PCDH9: variants seen among roughly 807,000 people sequenced by gnomAD.
PCDH9 encodes protocadherin-9.
A neutral mutation model predicts 70.6 loss-of-function variants in PCDH9; 24 were observed. The observed-to-expected ratio is 0.34, with a 90% CI of 0.25 to 0.48. The LOEUF (loss-of-function observed/expected upper bound fraction) is 0.48. Among genes scored for constraint, PCDH9 ranks in the 20% least tolerant of loss-of-function variants. The probability of loss-of-function intolerance (pLI) is 0.99; values close to 1 mark genes in which losing one functional copy is unlikely to be tolerated. For missense variants in PCDH9, 1,281 were observed against 1,503.6 expected (o/e 0.85, Z 2.45); for synonymous variants, 562 against 558.5 (o/e 1.01, Z -0.09).
chr13:66,990,265 A>C (rs2139795575), intron 2 of PCDH9, among the ~76,000 whole-genome samples: 1 of 151,942 alleles, frequency 6.6e-6, no homozygotes, highest in East Asian at 1.9e-4. Flanking sequence ...ATTTTAAACA[A>C]TTATAAGCAA....
At chr13:66,687,124 G>C (rs776919009) in intron 3 of PCDH9, among the ~76,000 whole-genome samples, 2 of 152,124 alleles carry the variant, frequency 1.3e-5, no homozygotes, top group Non-Finnish European at 2.9e-5. Context: ...AGTTATTCCT[G>C]TGTGATAATC....
intron 2 of PCDH9, among the ~76,000 whole-genome samples, chr13:66,989,346 C>T (rs1274180671): frequency 6.6e-6 from 1 of 151,904 alleles, no homozygotes; most frequent in Non-Finnish European, 1.5e-5. Flanking sequence ...GTTAGAAAGT[C>T]ACATCACTAT....
chr13:66,538,986 A>T (rs914505248), intron 4 of PCDH9, among the ~76,000 whole-genome samples: 19 of 151,768 alleles, frequency 1.3e-4, no homozygotes, highest in Admixed American at 1.2e-3. Flanking sequence ...ATATATACAC[A>T]TGTCTACATT....
chr13:66,566,629 T>TAACA (rs2076655925), intron 4 of PCDH9, among the ~76,000 whole-genome samples: 3 of 152,192 alleles, frequency 2.0e-5, no homozygotes. Context: ...TTGCTTTTAC[T>TAACA]AACAGTAACT....
intron 3 of PCDH9, among the ~76,000 whole-genome samples, chr13:66,660,316 G>A (rs1265007190): frequency 1.3e-5 from 2 of 151,470 alleles, no homozygotes; most frequent in Admixed American, 6.6e-5. Flanking sequence ...TTTTTTTACT[G>A]TGAGTTTCCT....
At chr13:66,770,874 A>G (rs552658617) in intron 3 of PCDH9, among the ~76,000 whole-genome samples, 1 of 152,316 alleles carries the variant, frequency 6.6e-6, no homozygotes, top group Admixed American at 6.5e-5. Context: ...ATGGTCACTG[A>G]TAACTCCTAA....
intron 2 of PCDH9, among the ~76,000 whole-genome samples, chr13:67,115,324 G>T (rs575095366): frequency 2.0e-5 from 3 of 152,134 alleles, no homozygotes; most frequent in Non-Finnish European, 4.4e-5. Flanking sequence ...AGCAGGCCTC[G>T]CACCTTGAGC....
intron 2 of PCDH9, among the ~76,000 whole-genome samples, chr13:66,910,874 A>G (rs745459390): frequency 1.3e-5 from 2 of 152,182 alleles, no homozygotes; most frequent in Non-Finnish European, 2.9e-5. Context: ...AACTCTGTGC[A>G]TTGTCCATTT....
intron 3 of PCDH9, among the ~76,000 whole-genome samples, chr13:66,735,305 T>C (rs2079131626): frequency 6.6e-6 from 1 of 152,188 alleles, no homozygotes; most frequent in Non-Finnish European, 1.5e-5. Flanking sequence ...CTAAAGCATA[T>C]GCTGTTAAAA....
At chr13:66,926,626 A>G (rs935052403) in intron 2 of PCDH9, among the ~76,000 whole-genome samples, 1 of 152,092 alleles carries the variant, frequency 6.6e-6, no homozygotes, top group African/African-American at 2.4e-5. Context: ...AAATTTAATT[A>G]TTGAAGTATT....
intron 4 of PCDH9, among the ~76,000 whole-genome samples, chr13:66,318,283 T>C: frequency 6.6e-6 from 1 of 152,206 alleles, no homozygotes; most frequent in East Asian, 1.9e-4. Flanking sequence ...CAATCTTTTC[T>C]GCTCTGTTAT....
intron 4 of PCDH9, among the ~76,000 whole-genome samples, chr13:66,412,432 T>C (rs1393687044): frequency 6.6e-6 from 1 of 152,206 alleles, no homozygotes; most frequent in Non-Finnish European, 1.5e-5. Flanking sequence ...TTAGCAGAAA[T>C]GTAAGCCGGG....
intron 1 of PCDH9, among the ~76,000 whole-genome samples, chr13:67,229,042 G>C (rs887939694): frequency 1.3e-5 from 2 of 152,116 alleles, no homozygotes; most frequent in Non-Finnish European, 2.9e-5. Flanking sequence ...TTCTAAAAAG[G>C]CTATCTTTTT....
chr13:67,215,709 G>T (rs2089585793), intron 2 of PCDH9: 1 of 152,034 alleles, frequency 6.6e-6, no homozygotes, highest in Admixed American at 6.6e-5. Flanking sequence ...CATAAATGAT[G>T]TCTTTCTTGA....
chr13:66,368,547 T>C (rs531005509), intron 4 of PCDH9, among the ~76,000 whole-genome samples: 12 of 151,980 alleles, frequency 7.9e-5, no homozygotes, highest in Admixed American at 3.3e-4. Flanking sequence ...TTCAATACAT[T>C]CTATTTTATA....
At chr13:66,580,051 G>GAT (rs1432146997) in intron 4 of PCDH9, among the ~76,000 whole-genome samples, 3 of 151,756 alleles carry the variant, frequency 2.0e-5, no homozygotes, top group African/African-American at 7.3e-5. Flanking sequence ...GGAGCAATAG[G>GAT]ATATATACAT....
At chr13:66,890,892 C>A (rs1440956623) in intron 3 of PCDH9, among the ~76,000 whole-genome samples, 1 of 152,048 alleles carries the variant, frequency 6.6e-6, no homozygotes, top group Non-Finnish European at 1.5e-5. Context: ...ACCACCACTA[C>A]AATCAAGTTA....
intron 4 of PCDH9, among the ~76,000 whole-genome samples, chr13:66,482,532 T>C (rs1312770372): frequency 2.0e-5 from 3 of 152,196 alleles, no homozygotes; most frequent in African/African-American, 7.2e-5. Context: ...ATTGTCATGA[T>C]GGGTTTAAAC....
intron 3 of PCDH9, among the ~76,000 whole-genome samples, chr13:66,850,587 T>C (rs1185611267): frequency 6.6e-6 from 1 of 152,042 alleles, no homozygotes; most frequent in African/African-American, 2.4e-5. Flanking sequence ...CAAGGCATGG[T>C]TATCATTTCC....
Sources: gnomAD v4.1 joint callset for allele counts (sites outside exome capture counted in the v4.1 genomes callset) on GRCh38, gnomAD v4.1.1 for gene constraint, MANE v1.5 for transcripts, NCBI Gene and HGNC (gene_info 2026-07-23, HGNC 2026-07-21) for gene names.